The following TMTC3 variants were observed in gnomAD, a reference collection of about 807,000 sequenced individuals.
TMTC3 encodes protein O-mannosyl-transferase TMTC3.
TMTC3 carries 52 observed loss-of-function variants against 92.2 expected under a neutral mutation model. The observed-to-expected ratio is 0.56, with a 90% CI of 0.45 to 0.71. The LOEUF (loss-of-function observed/expected upper bound fraction) is 0.71. TMTC3 is among the 30% of genes least tolerant of loss of function. The pLI is 0.00. For missense variants in TMTC3, 896 were observed against 1,057.1 expected, an observed-to-expected ratio of 0.85 and a Z score of 2.11; for synonymous variants, 339 against 363.3, an observed-to-expected ratio of 0.93 and a Z score of 0.76.
intron 10 of TMTC3, among the ~76,000 whole-genome samples, chr12:88,179,657 G>A (rs1238374843): frequency 3.3e-5 from 5 of 152,094 alleles, no homozygotes; most frequent in Admixed American, 3.3e-4. Context: ...GTGTGGCTAG[G>A]AGACTGCACA....
Position 88,196,239 on chromosome 12 carries a change from T to C in TMTC3, c.*590T>C, listed in dbSNP as rs913321164. Reference sequence around the variant, plus strand: ...TTAGCTTGAGAATGTATTTTCATAATTGTATACTTGTTTTTAACTTTAAAT... The same window carrying C: ...TTAGCTTGAGAATGTATTTTCATAACTGTATACTTGTTTTTAACTTTAAAT... On this transcript the variant is annotated 3_prime_UTR_variant, in exon 14 of 14. Coordinates refer to ENST00000266712, the MANE Select transcript of TMTC3 (RefSeq NM_181783.4). 1.1e-4 allele frequency: 17 copies of C among 152,524 alleles called. No individual in the cohort carries two copies. The highest frequency in any genetic ancestry group is 4.1e-4 in the African/African-American group (17 of 41,456). 9.4% of individuals were successfully genotyped at this position (152,524 alleles called of 1,614,324 possible). A position where few individuals can be genotyped will look rare whatever the true frequency, so the allele number is the denominator to read the frequency against.
Position 88,166,324 on chromosome 12 carries a change from A to G in TMTC3, c.798-6A>G, listed in dbSNP as rs761822301. 3 of 1,611,896 alleles carry G rather than the reference A, an allele frequency of 1.9e-6. No individual in the cohort carries two copies. The highest frequency in any genetic ancestry group is 1.7e-5 in the Admixed American group (1 of 59,636). On this transcript the variant is annotated splice_polypyrimidine_tract_variant and splice_region_variant and intron_variant, in intron 6 of 13. Coordinates refer to ENST00000266712, the MANE Select transcript of TMTC3 (RefSeq NM_181783.4). ...TTTGTAATCTTTTTTTTAATCCTTT[A>G]TACAGGTTTGATAACCCAGCTGCTG...
chr12:88,195,360 C>T lies in TMTC3; in HGVS notation c.2456C>T (p.Ser819Phe). 6.2e-7 allele frequency: 1 copy of T among 1,613,888 alleles called. No individual in the cohort carries two copies. The highest frequency in any genetic ancestry group is 8.5e-7 in the Non-Finnish European group (1 of 1,179,884). ...RHLNIVRDKI[S>F]SSSFIEPIFP... ...TTGAATATAGTCAGGGATAAGATTT[C>T]CTCATCTAGTTTTATAGAGCCAATA... is the stretch of plus-strand genomic sequence containing the variant. Residue 819 changes from serine to phenylalanine, a missense_variant, in exon 14 of 14, where the codon TCC becomes TTC. By Grantham distance (155) the Ser-to-Phe change is radical. Coordinates refer to ENST00000266712, the MANE Select transcript of TMTC3 (RefSeq NM_181783.4).
rs2041557596 is a variant in TMTC3, at chr12:88,199,489, T to TATG, written c.*3842_*3844dup. 6.6e-6 allele frequency: 1 copy of TATG among 152,158 alleles called. No homozygotes were observed. Among genetic ancestry groups the TATG allele is most frequent in the Non-Finnish European group, 1.5e-5 (1 of 68,004 alleles). The allele number at this position is 152,158 out of a possible 1,614,324, so 9.4% of individuals were successfully genotyped here. A position where few individuals can be genotyped will look rare whatever the true frequency, so the allele number is the denominator to read the frequency against. ...GGCTTAAAGTCTTGGATTTGATGCA[T>TATG]ATGACTTAATTTGTATTTGTGCTAG... On this transcript the variant is annotated 3_prime_UTR_variant, in exon 14 of 14. Coordinates refer to ENST00000266712, the MANE Select transcript of TMTC3 (RefSeq NM_181783.4).
intron 13 of TMTC3, among the ~76,000 whole-genome samples, chr12:88,194,243 T>C (rs2041479643): frequency 1.3e-5 from 2 of 152,090 alleles, no homozygotes; most frequent in East Asian, 3.8e-4. Context: ...GATACATGTT[T>C]CCTAAATCCT....
At chr12:88,151,576 A>AT (rs1212967928) in intron 2 of TMTC3, among the ~76,000 whole-genome samples, 1 of 152,198 alleles carries the variant, frequency 6.6e-6, no homozygotes, top group Non-Finnish European at 1.5e-5. Flanking sequence ...AGTTATGTGA[A>AT]TAATTATGTT....
intron 7 of TMTC3, among the ~76,000 whole-genome samples, chr12:88,168,189 A>G (rs974951181): frequency 2.0e-5 from 3 of 152,238 alleles, no homozygotes; most frequent in Non-Finnish European, 4.4e-5. Flanking sequence ...CCAAATGGTT[A>G]ACACTAACAG....
At position 88,198,683 on chromosome 12, in the gene TMTC3, T is replaced by C; in HGVS notation, c.*3034T>C. 2 of 333,658 alleles carry C rather than the reference T, an allele frequency of 6.0e-6. No homozygotes were observed. Among genetic ancestry groups the C allele is most frequent in the Non-Finnish European group, 5.4e-6 (1 of 185,834 alleles). The allele number at this position is 333,658 out of a possible 1,614,324, so 20.7% of individuals were successfully genotyped here. ...AAACCTCATGCCTTTTCATTACATC[T>C]AATTTGAACTCTCAACTTCATGTTA... On this transcript the variant is annotated 3_prime_UTR_variant, in exon 14 of 14. Coordinates refer to ENST00000266712, the MANE Select transcript of TMTC3 (RefSeq NM_181783.4).
At chr12:88,183,208 A>G (rs1290580787) in intron 10 of TMTC3, among the ~76,000 whole-genome samples, 1 of 152,150 alleles carries the variant, frequency 6.6e-6, no homozygotes, top group African/African-American at 2.4e-5. Context: ...TAGGATTTTG[A>G]GAGAGCCATG....
intron 10 of TMTC3, among the ~76,000 whole-genome samples, chr12:88,185,454 A>G (rs1193456445): frequency 6.6e-6 from 1 of 151,968 alleles, no homozygotes; most frequent in Admixed American, 6.6e-5. Context: ...TCCTTCACGT[A>G]GATATACCAC....
chr12:88,179,582 G>A (rs1210353355), intron 10 of TMTC3, among the ~76,000 whole-genome samples: 1 of 152,138 alleles, frequency 6.6e-6, no homozygotes, highest in Non-Finnish European at 1.5e-5. Flanking sequence ...TGCTGAGTCT[G>A]TCCTGCAGAC....
intron 7 of TMTC3, among the ~76,000 whole-genome samples, chr12:88,169,774 A>T (rs2041184358): frequency 6.6e-6 from 1 of 151,884 alleles, no homozygotes; most frequent in Non-Finnish European, 1.5e-5. Flanking sequence ...TCCCACCTCT[A>T]AAAAAAATTT....
chr12:88,198,281 A>G lies in TMTC3; in HGVS notation c.*2632A>G, dbSNP rs538097842. 6.3e-5 allele frequency: 25 copies of G among 397,724 alleles called. No homozygotes were observed. The highest frequency in any genetic ancestry group is 1.0e-4 in the Non-Finnish European group (23 of 225,516). 24.6% of individuals were successfully genotyped at this position (397,724 alleles called of 1,614,324 possible). ...ACATTTAAGGTCAGTTCACTAACCT[A>G]TGGTTCAGAGTTCTGATCATATGGA... On this transcript the variant is annotated 3_prime_UTR_variant, in exon 14 of 14. Transcript: ENST00000266712.
intron 2 of TMTC3, among the ~76,000 whole-genome samples, chr12:88,149,998 A>G (rs2040922219): frequency 6.6e-6 from 1 of 152,064 alleles, no homozygotes; most frequent in African/African-American, 2.4e-5. Context: ...GAGGTTTTGA[A>G]CTGATGGTTT....
intron 8 of TMTC3, 176 bp downstream of exon 8, chr12:88,172,921 C>T: frequency 6.7e-7 from 1 of 1,498,290 alleles, no homozygotes; most frequent in South Asian, 1.2e-5. Flanking sequence ...ATGGCACCTA[C>T]TTATTCTGTG....
intron 4 of TMTC3, among the ~76,000 whole-genome samples, chr12:88,157,980 C>G (rs2041030598): frequency 6.6e-6 from 1 of 152,110 alleles, no homozygotes; most frequent in Non-Finnish European, 1.5e-5. Context: ...AGTAGAAATA[C>G]AAATTACTGA....
chr12:88,160,791 C>T lies in TMTC3; in HGVS notation c.737C>T (p.Thr246Ile), dbSNP rs1565946786. 2 of 1,613,428 alleles carry T rather than the reference C, an allele frequency of 1.2e-6. No homozygotes were observed. Among genetic ancestry groups the T allele is most frequent in the Admixed American group, 1.7e-5 (1 of 59,960 alleles). ...LVKLIVLMFS[T>I]LLLVVIRVQV... The stretch of plus-strand genomic sequence containing the variant: ...AAACTCATTGTCTTGATGTTCAGTA[C>T]ATTATTACTTGTTGTGATTAGAGTC... The change falls in exon 6 of 14, where the codon ACA becomes ATA. Residue 246 changes from threonine (T) to isoleucine (I), a missense_variant. Physicochemically the swap from Thr to Ile is moderately conservative, Grantham distance 89. Transcript: ENST00000266712.
At position 88,196,372 on chromosome 12, in the gene TMTC3, G is replaced by GT. The variant is rs1341954861; in HGVS notation, c.*724dup. 1 of 151,896 alleles carries GT rather than the reference G, an allele frequency of 6.6e-6. No individual in the cohort carries two copies. Among genetic ancestry groups the GT allele is most frequent in the African/African-American group, 2.4e-5 (1 of 41,294 alleles). 9.4% of individuals were successfully genotyped at this position (151,896 alleles called of 1,614,324 possible). ...TGTTGTTTAGTTTTACTTATTGAGA[G>GT]TGTCACAACATGAATCACATAATCA... On this transcript the variant is annotated 3_prime_UTR_variant, in exon 14 of 14. Coordinates refer to ENST00000266712, the MANE Select transcript of TMTC3 (RefSeq NM_181783.4).
chr12:88,174,623 T>C lies in TMTC3; in HGVS notation c.1216T>C (p.Ser406Pro). 2 of 1,609,888 alleles carry C rather than the reference T, an allele frequency of 1.2e-6. No homozygotes were observed. Among genetic ancestry groups the C allele is most frequent in the Non-Finnish European group, 1.7e-6 (2 of 1,178,366 alleles). The stretch of plus-strand genomic sequence containing the variant: ...CTTAAACAGTGTATTTAAAAAGCTA[T>C]CCTGGATTTGTCTGTCTATGGTGAT... ...ISTKSVFKKL[S>P]WICLSMVILT... is the part of the protein sequence containing the mutation. Residue 406 changes from serine (S) to proline (P), a missense_variant, in exon 9 of 14, where the codon TCC (serine) becomes CCC (proline). By Grantham distance (74) the Ser-to-Pro change is moderately conservative (BLOSUM62 -1). Coordinates refer to ENST00000266712, the MANE Select transcript of TMTC3 (RefSeq NM_181783.4).
Sources: allele counts gnomAD v4.1 joint callset (sites outside exome capture counted in the v4.1 genomes callset), GRCh38; gene constraint gnomAD v4.1.1; transcripts MANE v1.5; gene names NCBI Gene and HGNC (gene_info 2026-07-23, HGNC 2026-07-21).